CDC73: variants seen among roughly 807,000 people sequenced by gnomAD.
The protein encoded by CDC73 is parafibromin.
In CDC73, 21 loss-of-function variants were observed where a neutral mutation model predicts 83.7. The ratio of observed to expected loss-of-function variants is 0.25; its 90% CI spans 0.18 to 0.36. The LOEUF (loss-of-function observed/expected upper bound fraction) is 0.36. Among genes scored for constraint, CDC73 ranks in the 10% least tolerant of loss-of-function variants. CDC73 has a pLI of 1.00. For synonymous variants in CDC73, 224 were observed against 212.9 expected (o/e 1.05, Z -0.45); for missense variants, 342 against 653.3 (o/e 0.52, Z 5.19).
At chr1:193,240,904 A>T (rs1677845910) in intron 15 of CDC73, among the ~76,000 whole-genome samples, 1 of 152,140 alleles carries the variant, frequency 6.6e-6, no homozygotes, top group African/African-American at 2.4e-5. Flanking sequence ...CCTTGCCTCG[A>T]CCAGTGTCCT....
At position 193,194,238 on chromosome 1, in the gene CDC73, A is replaced by T. The variant is rs978824104; in HGVS notation, c.973-9557A>T. ...GTGAAAAGGTATTATTTACATTAGA[A>T]AAATGAAATTTCAGAGCAGAATTGG... On this transcript the variant is annotated intron_variant, in intron 10 of 16. Coordinates refer to ENST00000367435, the MANE Select transcript of CDC73 (RefSeq NM_024529.5). 2.0e-5 allele frequency among the ~76,000 whole-genome samples: 3 copies of T among 152,160 alleles called. No homozygotes were observed. The South Asian group carries it at 6.2e-4, about 32-fold the overall frequency.
At chr1:193,196,190 C>T (rs1677000573) in intron 10 of CDC73, among the ~76,000 whole-genome samples, 1 of 152,168 alleles carries the variant, frequency 6.6e-6, no homozygotes, top group Non-Finnish European at 1.5e-5. Flanking sequence ...AATGGTCCAA[C>T]TTCGTCCTTT....
intron 7 of CDC73, among the ~76,000 whole-genome samples, chr1:193,146,474 G>GAAGCAAGCAAGCAAGCAAGCAAGC (rs201981048): frequency 1.0e-3 from 155 of 150,930 alleles, no homozygotes; most frequent in Admixed American, 3.4e-3. Flanking sequence ...GCAGAAGGCA[G>GAAGCAAGCAAGCAAGCAAGCAAGC]AAGCAAGCAA....
intron 10 of CDC73, among the ~76,000 whole-genome samples, chr1:193,175,289 T>G (rs1253139400): frequency 6.6e-6 from 1 of 152,172 alleles, no homozygotes; most frequent in Non-Finnish European, 1.5e-5. Flanking sequence ...AGTTAAAAAA[T>G]GAGTGATGCT....
chr1:193,144,677 C>T (rs1261863013), intron 7 of CDC73, among the ~76,000 whole-genome samples: 1 of 151,986 alleles, frequency 6.6e-6, no homozygotes, highest in Non-Finnish European at 1.5e-5. Context: ...TTTTGTGTGA[C>T]GAAATTGGAA....
At chr1:193,169,841 T>G (rs1007634921) in intron 10 of CDC73, among the ~76,000 whole-genome samples, 2 of 152,158 alleles carry the variant, frequency 1.3e-5, no homozygotes, top group Admixed American at 1.3e-4. Context: ...ATGTGCAGGT[T>G]TGTTACACAT....
chr1:193,135,615 T>A, intron 5 of CDC73, 26 bp downstream of exon 5: 2 of 1,506,666 alleles, frequency 1.3e-6, no homozygotes, highest in South Asian at 1.2e-5. Flanking sequence ...TTTAAACAAT[T>A]TTATTTATAT....
At chr1:193,204,249 G>GTGTA (rs1249590743) in intron 11 of CDC73, among the ~76,000 whole-genome samples, 1 of 117,258 alleles carries the variant, frequency 8.5e-6, no homozygotes, top group East Asian at 2.3e-4. Flanking sequence ...GTATATATAT[G>GTGTA]TGTATGTGTG....
chr1:193,220,741 G>A (rs1677455921), intron 13 of CDC73, among the ~76,000 whole-genome samples: 1 of 152,110 alleles, frequency 6.6e-6, no homozygotes, highest in South Asian at 2.1e-4. Flanking sequence ...TTATAGTAAA[G>A]TTTTAGTATT....
intron 2 of CDC73, among the ~76,000 whole-genome samples, chr1:193,126,497 A>G (rs920965483): frequency 6.6e-6 from 1 of 152,218 alleles, no homozygotes; most frequent in African/African-American, 2.4e-5. Context: ...AGTTATTTGG[A>G]TAGGATAGCT....
At chr1:193,205,804 G>T (rs1219489947) in intron 11 of CDC73, among the ~76,000 whole-genome samples, 2 of 152,052 alleles carry the variant, frequency 1.3e-5, no homozygotes, top group African/African-American at 2.4e-5. Flanking sequence ...TTTACAGGAA[G>T]GAAGAAAAAA....
intron 3 of CDC73, among the ~76,000 whole-genome samples, chr1:193,131,564 A>G (rs1425301963): frequency 6.6e-6 from 1 of 152,150 alleles, no homozygotes; most frequent in Non-Finnish European, 1.5e-5. Flanking sequence ...TCTTAGAATA[A>G]AACTCATACT....
chr1:193,214,518 C>T (rs562518248), intron 13 of CDC73, among the ~76,000 whole-genome samples: 1 of 152,184 alleles, frequency 6.6e-6, no homozygotes, highest in East Asian at 1.9e-4. Flanking sequence ...GAGATCAAGA[C>T]CATCCTGGCT....
intron 15 of CDC73, among the ~76,000 whole-genome samples, chr1:193,237,549 A>C (rs956065626): frequency 6.6e-6 from 1 of 152,154 alleles, no homozygotes; most frequent in Non-Finnish European, 1.5e-5. Context: ...TAGTTTACTT[A>C]GGCCTCCCAG....
chr1:193,202,185 T>A (rs1439297697), intron 10 of CDC73, among the ~76,000 whole-genome samples: 1 of 152,170 alleles, frequency 6.6e-6, no homozygotes, highest in Non-Finnish European at 1.5e-5. Flanking sequence ...TCCTATTTAA[T>A]GATTATCCGC....
At position 193,161,627 on chromosome 1, in the gene CDC73, G is replaced by A. The variant is rs1558292946; in HGVS notation, c.972+9183G>A. On this transcript the variant is annotated intron_variant, in intron 10 of 16. Transcript: ENST00000367435. ...AATAGATAATATATATTATATGATA[G>A]ATATATAATATATTATATAATATAT... Among the ~76,000 whole-genome samples the A allele has an allele frequency of 1.7e-4, 7 of 40,508 alleles. 1 individual carries two copies. The highest frequency in any genetic ancestry group is 1.1e-3 in the East Asian group (3 of 2,622). The allele number at this position is 40,508 out of a possible 152,430, so 26.6% of individuals were successfully genotyped here.
chr1:193,224,438 A>G (rs894722527), intron 13 of CDC73, among the ~76,000 whole-genome samples: 2 of 152,108 alleles, frequency 1.3e-5, no homozygotes, highest in Non-Finnish European at 2.9e-5. Context: ...ATATACACAT[A>G]TGAAATATGC....
intron 5 of CDC73, 61 bp from the exon 6 acceptor site, chr1:193,138,024 G>C (rs936060579): frequency 1.6e-6 from 2 of 1,250,280 alleles, no homozygotes; most frequent in African/African-American, 2.9e-5. Context: ...TACATGTAGC[G>C]TTTTTTCTTC....
intron 15 of CDC73, among the ~76,000 whole-genome samples, chr1:193,237,366 T>A (rs571714471): frequency 1.9e-4 from 29 of 152,242 alleles, no homozygotes; most frequent in African/African-American, 6.7e-4. Flanking sequence ...TGTAGGAAAT[T>A]GGTCAGGGTG....
Sources: allele counts gnomAD v4.1 joint callset (sites outside exome capture counted in the v4.1 genomes callset), GRCh38; gene constraint gnomAD v4.1.1; transcripts MANE v1.5; gene names NCBI Gene and HGNC (gene_info 2026-07-23, HGNC 2026-07-21).